ITGA9: variants seen among roughly 807,000 people sequenced by gnomAD.
ITGA9 encodes integrin alpha-9.
A neutral mutation model predicts 127.8 loss-of-function variants in ITGA9; 56 were observed. That is an observed-to-expected ratio of 0.44 (90% CI 0.35 to 0.55). The LOEUF is 0.55. Among genes scored for constraint, ITGA9 ranks in the 20% least tolerant of loss-of-function variants. ITGA9 has a pLI of 0.00. For missense variants in ITGA9, 1,196 were observed against 1,347.1 expected (o/e 0.89, Z 1.76); for synonymous variants, 508 against 514.5 (o/e 0.99, Z 0.17).
At chr3:37,651,494 C>T (rs1328617876) in intron 16 of ITGA9, among the ~76,000 whole-genome samples, 2 of 152,210 alleles carry the variant, frequency 1.3e-5, no homozygotes, top group East Asian at 3.9e-4. Context: ...GTTGATAAAG[C>T]AGCAACTACA....
At position 37,452,512 on chromosome 3, in the gene ITGA9, G is replaced by A; in HGVS notation, c.138G>A (p.Ser46=). 1 of 1,527,026 alleles carries A rather than the reference G, an allele frequency of 6.5e-7. No individual in the cohort carries two copies. The highest frequency in any genetic ancestry group is 1.2e-5 in the South Asian group (1 of 81,618). The allele number at this position is 1,527,026 out of a possible 1,614,324, so 94.6% of individuals were successfully genotyped here. ...RPVHFQGPAD[S]FFGYAVLEHF... is the part of the protein sequence containing the mutation. The stretch of plus-strand genomic sequence containing the variant: ...TGCACTTCCAGGGCCCCGCTGACTC[G>A]TTCTTCGGCTACGCAGTTCTGGAGC... The change falls in exon 1 of 28, where the codon TCG becomes TCA. Residue 46 remains serine (S), a synonymous_variant. Transcript: ENST00000264741. This position sits in a 1 kb window ranked among gnomAD's most constrained non-coding sequence, Gnocchi z 7.3.
rs758938914 is a variant in ITGA9, at chr3:37,481,615, T to G, written c.544+8T>G. 2 of 1,614,000 alleles carry G rather than the reference T, an allele frequency of 1.2e-6. No individual in the cohort carries two copies. Among genetic ancestry groups the G allele is most frequent in the African/African-American group, 2.7e-5 (2 of 74,898 alleles). ...TGATCCCTTGCTATGAAGGTGAGCA[T>G]GGATTGATTTTTCCTCATCCCCCTA... On this transcript the variant is annotated splice_region_variant and intron_variant, in intron 4 of 27. Transcript: ENST00000264741.
chr3:37,460,944 T>A (rs1259224939), intron 1 of ITGA9, among the ~76,000 whole-genome samples: 1 of 152,160 alleles, frequency 6.6e-6, no homozygotes, highest in Non-Finnish European at 1.5e-5. Flanking sequence ...TTCCTCCATC[T>A]TAGCTGATCT....
In ITGA9 at chr3:37,643,616, C is replaced by T. The variant is rs529532139; in HGVS notation, c.1840-10098C>T. ...TTATTGAGTTTTCTTCTGTATTATC[C>T]TGTCCTATTGAAAACCTTGTGCAAA... On this transcript the variant is annotated intron_variant, in intron 16 of 27. Coordinates refer to ENST00000264741, the MANE Select transcript of ITGA9 (RefSeq NM_002207.3). 2.6e-5 allele frequency among the ~76,000 whole-genome samples: 4 copies of T among 152,300 alleles called. No homozygotes were observed. The East Asian group carries it at 7.7e-4, about 29-fold the overall frequency.
At chr3:37,721,442 A>G (rs1342968762) in intron 18 of ITGA9, among the ~76,000 whole-genome samples, 1 of 152,202 alleles carries the variant, frequency 6.6e-6, no homozygotes, top group Admixed American at 6.5e-5. Flanking sequence ...CTAACTTGGG[A>G]GAGGAATTTT....
chr3:37,592,558 A>C lies in ITGA9; in HGVS notation c.1690-36629A>C, dbSNP rs998819407. ...ACAGCCGGCCTCAGAGGAGGCTGGG[A>C]AATGTGGGTCCAGGCTGGGCACCAC... On this transcript the variant is annotated intron_variant, in intron 15 of 27. Coordinates refer to ENST00000264741, the MANE Select transcript of ITGA9 (RefSeq NM_002207.3). 1.1e-4 allele frequency among the ~76,000 whole-genome samples: 16 copies of C among 152,302 alleles called. 1 individual carries two copies. The East Asian group carries it at 2.5e-3, about 24-fold the overall frequency.
intron 15 of ITGA9, among the ~76,000 whole-genome samples, chr3:37,553,571 G>T (rs1699399140): frequency 6.6e-6 from 1 of 152,236 alleles, no homozygotes; most frequent in Admixed American, 6.5e-5. Flanking sequence ...ATCACTGAAG[G>T]TATGTATTTT....
chr3:37,801,738 C>T (rs966737862), intron 26 of ITGA9, among the ~76,000 whole-genome samples: 32 of 152,220 alleles, frequency 2.1e-4, no homozygotes, highest in South Asian at 8.3e-4. Context: ...AGGGCGGACT[C>T]TGTGCCAGAT....
In ITGA9 at chr3:37,629,394, T is replaced by C. The variant is rs1700208527; in HGVS notation, c.1839+58T>C. 3.8e-6 allele frequency: 6 copies of C among 1,595,610 alleles called. No individual in the cohort carries two copies. The highest frequency in any genetic ancestry group is 1.3e-5 in the African/African-American group (1 of 74,536). On this transcript the variant is annotated intron_variant, in intron 16 of 27. Coordinates refer to ENST00000264741, the MANE Select transcript of ITGA9 (RefSeq NM_002207.3). The surrounding 1 kb of genome is among the most constrained non-coding windows in gnomAD (Gnocchi z 4.5). ...AGGTGGCAGCTGCACAGAGCAGAAATAATGGCCCAAAAGTTGAGAGAGCCG... is the reference window on the plus strand; with the variant it reads ...AGGTGGCAGCTGCACAGAGCAGAAACAATGGCCCAAAAGTTGAGAGAGCCG...
intron 5 of ITGA9, among the ~76,000 whole-genome samples, chr3:37,498,435 G>T (rs552454781): frequency 3.9e-5 from 6 of 152,260 alleles, no homozygotes; most frequent in African/African-American, 1.4e-4. Context: ...TGCCGCAGCA[G>T]CTGGCAAGTC....
chr3:37,779,466 G>A (rs956852094), intron 24 of ITGA9, among the ~76,000 whole-genome samples: 1 of 152,206 alleles, frequency 6.6e-6, no homozygotes, highest in East Asian at 1.9e-4. Context: ...TGACTTCTTA[G>A]CCCTCTTATT....
chr3:37,644,641 A>G (rs11714019), intron 16 of ITGA9, among the ~76,000 whole-genome samples: 5,182 of 152,348 alleles, frequency 0.034, 108 homozygotes, highest in Non-Finnish European at 0.049. Context: ...CTGCAGAGCC[A>G]TGGAGTAAAA....
chr3:37,645,306 C>A (rs1044837023), intron 16 of ITGA9, among the ~76,000 whole-genome samples: 2 of 152,142 alleles, frequency 1.3e-5, no homozygotes, highest in African/African-American at 4.8e-5. Context: ...CGGTGGCTCA[C>A]GCGTGTAATC....
intron 15 of ITGA9, among the ~76,000 whole-genome samples, chr3:37,552,706 T>A (rs1212079575): frequency 6.6e-6 from 1 of 152,114 alleles, no homozygotes; most frequent in Non-Finnish European, 1.5e-5. Context: ...CACACACACG[T>A]TTTTCGCATA....
intron 26 of ITGA9, among the ~76,000 whole-genome samples, chr3:37,791,950 A>G (rs1010409456): frequency 2.6e-5 from 4 of 152,200 alleles, no homozygotes; most frequent in African/African-American, 9.7e-5. Context: ...TTATGTGACC[A>G]ATTATAGTTA....
At chr3:37,666,105 G>A (rs1420957694) in intron 17 of ITGA9, among the ~76,000 whole-genome samples, 1 of 152,158 alleles carries the variant, frequency 6.6e-6, no homozygotes, top group African/African-American at 2.4e-5. Flanking sequence ...AGTCTAGAAG[G>A]GGAGACACAC....
intron 23 of ITGA9, among the ~76,000 whole-genome samples, chr3:37,760,438 G>A (rs901525115): frequency 1.3e-5 from 2 of 152,156 alleles, no homozygotes; most frequent in Admixed American, 6.5e-5. Flanking sequence ...AATGGTTGAA[G>A]CCCCAGAGGC....
intron 15 of ITGA9, among the ~76,000 whole-genome samples, chr3:37,553,025 A>AAAG (rs1699393935): frequency 1.3e-5 from 2 of 151,844 alleles, no homozygotes; most frequent in Non-Finnish European, 2.9e-5. Context: ...AAAAAAAAAA[A>AAAG]AAAAATCTTT....
chr3:37,783,042 G>A (rs980345485), intron 25 of ITGA9, among the ~76,000 whole-genome samples: 16 of 152,112 alleles, frequency 1.1e-4, no homozygotes, highest in Admixed American at 3.3e-4. Context: ...GGGAGGCTGA[G>A]GCAGAAGAAT....
Sources: gnomAD v4.1 joint callset for allele counts (sites outside exome capture counted in the v4.1 genomes callset) on GRCh38, gnomAD v4.1.1 for gene constraint, Gnocchi (gnomAD v3.1) non-coding constraint, MANE v1.5 for transcripts, NCBI Gene and HGNC (gene_info 2026-07-23, HGNC 2026-07-21) for gene names.